The following KDM4B variants were observed in gnomAD, a reference collection of about 807,000 sequenced individuals.
KDM4B encodes the protein lysine demethylase 4B, also known as lysine-specific demethylase 4B.
A neutral mutation model predicts 125.2 loss-of-function variants in KDM4B; 32 were observed. The ratio of observed to expected loss-of-function variants is 0.26; its 90% CI spans 0.19 to 0.34. KDM4B has a LOEUF of 0.34. KDM4B is among the 10% of genes least tolerant of loss of function. The pLI, the probability that KDM4B is intolerant of heterozygous loss-of-function variation, is 1.00. For missense variants in KDM4B, 1,190 were observed against 1,577.7 expected (o/e 0.75, Z 4.16); for synonymous variants, 721 against 677.9 (o/e 1.06, Z -0.99).
At chr19:5,144,182 G>A in intron 19 of KDM4B, 30 bp downstream of exon 19, 1 of 1,583,382 alleles carries the variant, frequency 6.3e-7, no homozygotes, top group Non-Finnish European at 8.6e-7. Context: ...CTTGCCCCCA[G>A]CCCCTGGCTC....
At chr19:5,063,254 T>G (rs556763354) in intron 6 of KDM4B, among the ~76,000 whole-genome samples, 2 of 152,328 alleles carry the variant, frequency 1.3e-5, no homozygotes, top group African/African-American at 2.4e-5. Context: ...CTACTGTGCT[T>G]GACTCACTAA....
intron 7 of KDM4B, among the ~76,000 whole-genome samples, chr19:5,072,753 A>G (rs906522867): frequency 1.3e-5 from 2 of 152,234 alleles, no homozygotes; most frequent in African/African-American, 4.8e-5. Context: ...ACCGTTCTGG[A>G]GGTCAGGAGT....
intron 1 of KDM4B, among the ~76,000 whole-genome samples, chr19:5,003,412 CG>C (rs2035453858): frequency 6.6e-6 from 1 of 151,812 alleles, no homozygotes; most frequent in Non-Finnish European, 1.5e-5. Context: ...ACCCAGGAGG[CG>C]GAGGTTGTGG....
rs147005402 is a variant in KDM4B, at chr19:5,034,709, G to A, written c.141+1678G>A. Among the ~76,000 whole-genome samples, 306 of 152,212 alleles carry A rather than the reference G, an allele frequency of 2.0e-3. 1 individual carries two copies. Among genetic ancestry groups the A allele is most frequent in the Non-Finnish European group, 2.5e-3 (173 of 68,022 alleles). On this transcript the variant is annotated intron_variant, in intron 3 of 22. Coordinates refer to ENST00000159111, the MANE Select transcript of KDM4B (RefSeq NM_015015.3). The stretch of plus-strand genomic sequence containing the variant: ...TTGGTGGATTTTGTCAGTAGCCTTC[G>A]TCTCTCTCCTAGTGATCCTTCGGTA...
At chr19:5,133,378 C>T (rs1304744411) in intron 13 of KDM4B, among the ~76,000 whole-genome samples, 2 of 152,188 alleles carry the variant, frequency 1.3e-5, no homozygotes, top group East Asian at 1.9e-4. Flanking sequence ...CTGGCACCTC[C>T]CTTGAGTTCA....
intron 3 of KDM4B, among the ~76,000 whole-genome samples, chr19:5,033,438 G>A (rs1394926604): frequency 6.6e-6 from 1 of 152,098 alleles, no homozygotes; most frequent in Non-Finnish European, 1.5e-5. Flanking sequence ...TTTTAAGCTG[G>A]GTATGGTGGT....
chr19:5,137,509 A>C, intron 16 of KDM4B, 112 bp from the exon 17 acceptor site: 1 of 1,255,832 alleles, frequency 8.0e-7, no homozygotes, highest in Non-Finnish European at 1.1e-6. Context: ...GGTGGCTGCT[A>C]GGTTGAAATA....
chr19:5,147,788 G>T (rs372605315), intron 21 of KDM4B, among the ~76,000 whole-genome samples: 293 of 151,806 alleles, frequency 1.9e-3, no homozygotes, highest in African/African-American at 6.7e-3. Context: ...TGCTCGGGGC[G>T]GGGGGGCAGA....
intron 11 of KDM4B, among the ~76,000 whole-genome samples, chr19:5,129,239 G>A (rs888478612): frequency 6.6e-6 from 1 of 152,190 alleles, no homozygotes; most frequent in Admixed American, 6.5e-5. Flanking sequence ...GTGGGCTGGG[G>A]GCCCCTTGTG....
intron 10 of KDM4B, chr19:5,113,140 C>T (rs1195978054): frequency 6.6e-6 from 1 of 152,202 alleles, no homozygotes; most frequent in Non-Finnish European, 1.5e-5. Context: ...GTGGCCTGGC[C>T]TGGCCTCCCT....
intron 11 of KDM4B, among the ~76,000 whole-genome samples, chr19:5,128,644 C>T (rs1042551188): frequency 1.3e-5 from 2 of 152,170 alleles, no homozygotes; most frequent in African/African-American, 2.4e-5. Context: ...GCAGCCTCCC[C>T]GGGCTGCTCC....
intron 2 of KDM4B, among the ~76,000 whole-genome samples, chr19:5,017,024 TGGCAGC>T (rs2035913111): frequency 6.6e-6 from 1 of 152,200 alleles, no homozygotes; most frequent in African/African-American, 2.4e-5. Flanking sequence ...GAGGTGGCAG[TGGCAGC>T]GGCGGCCGGC....
intron 1 of KDM4B, among the ~76,000 whole-genome samples, chr19:5,012,925 A>G (rs1030984871): frequency 1.5e-4 from 23 of 152,118 alleles, no homozygotes; most frequent in Non-Finnish European, 4.4e-5. Flanking sequence ...CTGGGCCCCA[A>G]CCCCTCGTCT....
chr19:5,132,153 G>A (rs937363296), intron 13 of KDM4B, 146 bp downstream of exon 13: 33 of 1,048,318 alleles, frequency 3.1e-5, no homozygotes, highest in South Asian at 6.8e-5. Context: ...TGGCTCTGCC[G>A]TAGCGACAGG....
chr19:5,048,331 C>T (rs1046358800), intron 6 of KDM4B, among the ~76,000 whole-genome samples: 2 of 152,126 alleles, frequency 1.3e-5, no homozygotes, highest in African/African-American at 4.8e-5. Context: ...TGAGTGCGCA[C>T]GTGAGTGAGT....
At chr19:5,137,441 G>GGTTCCTTC (rs1298268849) in intron 16 of KDM4B, 103 bp downstream of exon 16, 3 of 1,276,536 alleles carry the variant, frequency 2.4e-6, no homozygotes, top group Non-Finnish European at 3.3e-6. Flanking sequence ...CGTGGGCCTG[G>GGTTCCTTC]GTTCCTTCAC....
chr19:5,003,100 T>C (rs2035443949), intron 1 of KDM4B, among the ~76,000 whole-genome samples: 1 of 152,246 alleles, frequency 6.6e-6, no homozygotes, highest in Non-Finnish European at 1.5e-5. Flanking sequence ...CACGTTCCGA[T>C]TCCACCGCCG....
chr19:5,103,407 G>C (rs543604083), intron 9 of KDM4B, among the ~76,000 whole-genome samples: 5 of 152,200 alleles, frequency 3.3e-5, no homozygotes, highest in Non-Finnish European at 7.4e-5. Flanking sequence ...CAGCAGCCCC[G>C]CCCGCTTTCT....
chr19:5,107,127 G>A (rs1024477307), intron 9 of KDM4B, among the ~76,000 whole-genome samples: 6 of 152,236 alleles, frequency 3.9e-5, no homozygotes, highest in African/African-American at 7.2e-5. Context: ...GCCACCCTGC[G>A]TTGGCCAGAT....
Sources: allele counts gnomAD v4.1 joint callset (sites outside exome capture counted in the v4.1 genomes callset), GRCh38; gene constraint gnomAD v4.1.1; transcripts MANE v1.5; gene names NCBI Gene and HGNC (gene_info 2026-07-23, HGNC 2026-07-21).